Variants in LCORL observed in about 807,000 individuals in gnomAD.
LCORL encodes the protein ligand dependent nuclear receptor corepressor like.
LCORL carries 41 observed loss-of-function variants against 141.8 expected under a neutral mutation model. The observed-to-expected ratio is 0.29, with a 90% CI of 0.23 to 0.38. The LOEUF is 0.38. Ranked by LOEUF, LCORL falls within the 10% of genes least tolerant of loss-of-function variation. The probability of loss-of-function intolerance (pLI) is 1.00; values close to 1 mark genes in which losing one functional copy is unlikely to be tolerated. For missense variants in LCORL, 1,759 were observed against 2,035.0 expected, an observed-to-expected ratio of 0.86 and a Z score of 2.61; for synonymous variants, 618 against 694.1, an observed-to-expected ratio of 0.89 and a Z score of 1.72.
rs1255743649 is a variant in LCORL, at chr4:17,909,364, T to C, written c.431-19A>G. The C allele has an allele frequency of 9.2e-6, 14 of 1,514,020 alleles. No individual in the cohort carries two copies. The highest frequency in any genetic ancestry group is 1.2e-5 in the Non-Finnish European group (13 of 1,128,110). 93.8% of individuals were successfully genotyped at this position (1,514,020 alleles called of 1,614,324 possible). On this transcript the variant is annotated intron_variant, in intron 4 of 7. Coordinates refer to ENST00000635767, the Ensembl canonical transcript of LCORL. Reference sequence around the variant, plus strand: ...GGAAGATCTAGGGAAGAAATAAATATAATAATCATTTTAAAAAGAGAAAGG... The same window carrying C: ...GGAAGATCTAGGGAAGAAATAAATACAATAATCATTTTAAAAAGAGAAAGG...
In LCORL at chr4:17,956,819, T is replaced by A. The variant is rs1413379982; in HGVS notation, c.430+5084A>T. ...ATGTTCTCAACACAAAAATAACTAT[T>A]TGAGGTGATGGATATTCTAAATACC... On this transcript the variant is annotated intron_variant, in intron 4 of 7. Transcript: ENST00000635767. 2.6e-5 allele frequency among the ~76,000 whole-genome samples: 4 copies of A among 152,190 alleles called. No homozygotes were observed. The East Asian group carries it at 7.7e-4, about 29-fold the overall frequency.
chr4:17,849,907 A>C (rs1723422309), intron 7 of LCORL, among the ~76,000 whole-genome samples: 1 of 151,912 alleles, frequency 6.6e-6, no homozygotes, highest in African/African-American at 2.4e-5. Flanking sequence ...TAACCAAAAC[A>C]GCATGGTACT....
chr4:18,001,692 G>T (rs561202672), intron 1 of LCORL, among the ~76,000 whole-genome samples: 1 of 152,160 alleles, frequency 6.6e-6, no homozygotes, highest in Admixed American at 6.5e-5. Context: ...AACACAGCTC[G>T]TAAATTTTGC....
chr4:18,009,586 CCT>C (rs1723361587), intron 1 of LCORL, among the ~76,000 whole-genome samples: 1 of 151,992 alleles, frequency 6.6e-6, no homozygotes, highest in South Asian at 2.1e-4. Context: ...CTCACTTGAG[CCT>C]TAATATACCT....
At chr4:17,871,899 G>A (rs1726382502) in intron 7 of LCORL, among the ~76,000 whole-genome samples, 1 of 151,668 alleles carries the variant, frequency 6.6e-6, no homozygotes, top group Admixed American at 6.6e-5. Context: ...TTAGATATTT[G>A]AAATTTTAAT....
At chr4:17,996,119 G>C (rs1283016786) in intron 1 of LCORL, among the ~76,000 whole-genome samples, 1 of 152,046 alleles carries the variant, frequency 6.6e-6, no homozygotes, top group Non-Finnish European at 1.5e-5. Flanking sequence ...TCAAATGTGT[G>C]AACCAGATTT....
At chr4:17,980,451 T>C (rs982587012) in intron 1 of LCORL, among the ~76,000 whole-genome samples, 10 of 152,194 alleles carry the variant, frequency 6.6e-5, no homozygotes, top group African/African-American at 2.2e-4. Context: ...CATAGAATTA[T>C]TTGGACAGGC....
At chr4:17,845,215 T>G (rs1722796182) in exon 8 of LCORL, 1 of 152,548 alleles carries the variant, frequency 6.6e-6, no homozygotes, top group African/African-American at 2.4e-5. Context: ...AACATGCTAC[T>G]TGACAAAAAG....
intron 1 of LCORL, among the ~76,000 whole-genome samples, chr4:18,011,212 CTTGTT>C (rs1021970214): frequency 2.5e-4 from 38 of 152,200 alleles, no homozygotes; most frequent in African/African-American, 8.9e-4. Flanking sequence ...CATCTTTCTC[CTTGTT>C]TTATTTCTCA....
intron 6 of LCORL, among the ~76,000 whole-genome samples, chr4:17,885,551 ATTAT>A (rs1051297963): frequency 1.3e-5 from 2 of 151,888 alleles, no homozygotes; most frequent in African/African-American, 2.4e-5. Flanking sequence ...TTCACTACTA[ATTAT>A]TTATTTAATG....
intron 4 of LCORL, among the ~76,000 whole-genome samples, chr4:17,946,130 T>C (rs1386877577): frequency 6.6e-6 from 1 of 151,904 alleles, no homozygotes; most frequent in Admixed American, 6.6e-5. Flanking sequence ...AACAAAACCA[T>C]GAAAACCCAC....
At chr4:17,852,298 G>C (rs16895888) in intron 7 of LCORL, among the ~76,000 whole-genome samples, 2 of 151,674 alleles carry the variant, frequency 1.3e-5, no homozygotes, top group African/African-American at 4.8e-5. Flanking sequence ...GAGTTGGGGG[G>C]AAAAATGTAA....
chr4:17,957,489 G>A (rs932224088), intron 4 of LCORL, among the ~76,000 whole-genome samples: 3 of 151,924 alleles, frequency 2.0e-5, no homozygotes, highest in Non-Finnish European at 2.9e-5. Context: ...AAAGAATTTG[G>A]GTGATTGTAA....
At chr4:17,976,517 A>C (rs1717011378) in intron 1 of LCORL, among the ~76,000 whole-genome samples, 1 of 152,170 alleles carries the variant, frequency 6.6e-6, no homozygotes, top group Admixed American at 6.5e-5. Flanking sequence ...TTAGTATGTA[A>C]TGTAAGAATC....
chr4:17,959,387 A>G (rs1216856031), intron 4 of LCORL, among the ~76,000 whole-genome samples: 7 of 151,996 alleles, frequency 4.6e-5, no homozygotes, highest in Non-Finnish European at 8.8e-5. Context: ...CTTCTTCTGG[A>G]CGGCTCAAAT....
chr4:17,948,351 A>G (rs1264394100), intron 4 of LCORL, among the ~76,000 whole-genome samples: 2 of 152,076 alleles, frequency 1.3e-5, no homozygotes, highest in African/African-American at 4.8e-5. Context: ...AATAGGAAAC[A>G]TTCATTACAC....
chr4:18,019,279 C>T (rs1405576809), intron 1 of LCORL, among the ~76,000 whole-genome samples: 6 of 152,138 alleles, frequency 3.9e-5, no homozygotes, highest in Admixed American at 2.0e-4. Context: ...GCGGAGGTTG[C>T]AGTGAGCTGA....
intron 4 of LCORL, among the ~76,000 whole-genome samples, chr4:17,929,071 T>A (rs1319895989): frequency 6.6e-6 from 1 of 152,070 alleles, no homozygotes; most frequent in African/African-American, 2.4e-5. Context: ...ATAAAATACT[T>A]ACAAAAAATA....
intron 2 of LCORL, among the ~76,000 whole-genome samples, 166 bp downstream of exon 2, chr4:17,972,654 T>C (rs1401924884): frequency 6.6e-6 from 1 of 151,618 alleles, no homozygotes; most frequent in Non-Finnish European, 1.5e-5. Context: ...TTTAAAAATA[T>C]GGTATGTAAT....
Sources: allele counts gnomAD v4.1 joint callset (sites outside exome capture counted in the v4.1 genomes callset), GRCh38; gene constraint gnomAD v4.1.1; transcripts MANE v1.5; gene names NCBI Gene and HGNC (gene_info 2026-07-23, HGNC 2026-07-21).